The following PCBP3 variants were observed in gnomAD, a reference collection of about 807,000 sequenced individuals.
PCBP3 encodes poly(rC)-binding protein 3.
Under a neutral mutation model 52.7 loss-of-function variants are expected in PCBP3, and 25 were observed. The observed-to-expected ratio is 0.47, with a 90% CI of 0.35 to 0.66. PCBP3 has a LOEUF of 0.66. PCBP3 is among the 30% of genes least tolerant of loss of function. The pLI is 0.01. For missense variants in PCBP3, 391 were observed against 490.3 expected (o/e 0.80, Z 1.91); for synonymous variants, 162 against 183.0 (o/e 0.89, Z 0.93).
At chr21:45,883,962 G>A (rs1447902522) in intron 5 of PCBP3, among the ~76,000 whole-genome samples, 1 of 152,080 alleles carries the variant, frequency 6.6e-6, no homozygotes, top group African/African-American at 2.4e-5. Flanking sequence ...TTTTGAGATA[G>A]GGCCCTACTC....
intron 4 of PCBP3, among the ~76,000 whole-genome samples, chr21:45,783,649 G>A (rs1266375639): frequency 6.6e-6 from 1 of 152,242 alleles, no homozygotes; most frequent in Admixed American, 6.5e-5. Context: ...TAGCCATGGT[G>A]ATGGAGGAGG....
chr21:45,895,108 CT>C (rs1328396103), intron 5 of PCBP3, among the ~76,000 whole-genome samples: 1 of 152,232 alleles, frequency 6.6e-6, no homozygotes, highest in Non-Finnish European at 1.5e-5. Flanking sequence ...CGTCCACCCC[CT>C]GACACCTGTG....
rs2093151226 is a variant in PCBP3, at chr21:45,821,898, G to A, written c.-125-28063G>A. 6.6e-6 allele frequency among the ~76,000 whole-genome samples: 1 copy of A among 152,158 alleles called. No homozygotes were observed. The highest frequency in any genetic ancestry group is 1.5e-5 in the Non-Finnish European group (1 of 68,032). On this transcript the variant is annotated intron_variant, in intron 4 of 17. Coordinates refer to ENST00000681687, the MANE Select transcript of PCBP3 (RefSeq NM_001384156.1). The surrounding 1 kb of genome is among the most constrained non-coding windows in gnomAD (Gnocchi z 4.4). ...CGCCCAGGGGAGGCTCCTCCTTAGG[G>A]TGCATTGTCACTCGGCGTTTCCGAC...
intron 2 of PCBP3, among the ~76,000 whole-genome samples, chr21:45,722,382 A>G (rs1258406696): frequency 6.6e-6 from 1 of 152,198 alleles, no homozygotes; most frequent in East Asian, 1.9e-4. Context: ...GTTTTCACAC[A>G]TTTCTGAATT....
intron 6 of PCBP3, among the ~76,000 whole-genome samples, chr21:45,897,899 C>G (rs560303322): frequency 2.6e-5 from 4 of 152,210 alleles, no homozygotes; most frequent in Non-Finnish European, 5.9e-5. Context: ...CCCAGTTCTT[C>G]CTGCCTCAGG....
chr21:45,852,275 C>T (rs1166742474), intron 5 of PCBP3, among the ~76,000 whole-genome samples: 7 of 152,216 alleles, frequency 4.6e-5, no homozygotes, highest in African/African-American at 9.6e-5. Context: ...CTTCGAAGGT[C>T]GAGGCAAGGA....
intron 9 of PCBP3, among the ~76,000 whole-genome samples, chr21:45,907,334 T>C (rs2839051): frequency 0.33 from 50,402 of 152,096 alleles, 9,806 homozygotes; most frequent in East Asian, 0.73. Flanking sequence ...CCATCCCTAC[T>C]TCTGCGTTCG....
At chr21:45,789,721 G>C (rs8127369) in intron 4 of PCBP3, among the ~76,000 whole-genome samples, 29,231 of 152,152 alleles carry the variant, frequency 0.19, 3,027 homozygotes, top group Middle Eastern at 0.33. Flanking sequence ...AGCTTTTGCT[G>C]TGAGTGGGAG....
chr21:45,855,935 C>T (rs1483837602), intron 5 of PCBP3, among the ~76,000 whole-genome samples: 3 of 152,266 alleles, frequency 2.0e-5, no homozygotes, highest in African/African-American at 7.2e-5. Flanking sequence ...CGTAACATCT[C>T]ATGAGACAGG....
At chr21:45,842,899 G>A (rs12481867) in intron 4 of PCBP3, among the ~76,000 whole-genome samples, 24,692 of 152,118 alleles carry the variant, frequency 0.16, 2,190 homozygotes, top group Middle Eastern at 0.29. Flanking sequence ...GGTATTCTCA[G>A]ATGCTTTCTG....
chr21:45,723,176 G>A (rs1376016664), intron 2 of PCBP3, among the ~76,000 whole-genome samples: 1 of 152,214 alleles, frequency 6.6e-6, no homozygotes, highest in Non-Finnish European at 1.5e-5. Context: ...GCTGGCATGT[G>A]TTTGGCAACC....
Position 45,925,146 on chromosome 21 carries a change from G to T in PCBP3, c.718-4771G>T, listed in dbSNP as rs1368489778. On this transcript the variant is annotated intron_variant, in intron 13 of 17. Transcript: ENST00000681687. ...ACGTAAGATCGGGTGTGCGTGAGGA[G>T]ATGCGAACACCAGGAACAGTCGAGT... Among the ~76,000 whole-genome samples the T allele has an allele frequency of 2.9e-5, 4 of 138,048 alleles. 1 individual carries two copies. Among genetic ancestry groups the T allele is most frequent in the Admixed American group, 2.2e-4 (3 of 13,916 alleles). 90.6% of individuals were successfully genotyped at this position (138,048 alleles called of 152,430 possible).
chr21:45,899,089 A>G (rs1444476709), intron 6 of PCBP3, among the ~76,000 whole-genome samples: 1 of 152,224 alleles, frequency 6.6e-6, no homozygotes, highest in Non-Finnish European at 1.5e-5. Flanking sequence ...CCCAGCGGGG[A>G]ACGTGTGTCC....
intron 2 of PCBP3, among the ~76,000 whole-genome samples, chr21:45,726,762 C>T (rs1467143343): frequency 6.6e-6 from 1 of 152,222 alleles, no homozygotes; most frequent in Non-Finnish European, 1.5e-5. Flanking sequence ...GTCTGGAAAG[C>T]ATGCGTTCTG....
chr21:45,891,279 C>T (rs1238548403), intron 5 of PCBP3, among the ~76,000 whole-genome samples: 1 of 152,222 alleles, frequency 6.6e-6, no homozygotes, highest in East Asian at 1.9e-4. Context: ...GGAAGTGCTT[C>T]CATGAGAAGA....
chr21:45,872,500 T>C (rs987451641), intron 5 of PCBP3: 2 of 152,314 alleles, frequency 1.3e-5, no homozygotes, highest in African/African-American at 4.8e-5. Context: ...AAATTGTCTT[T>C]ACCTTCCCTG....
intron 5 of PCBP3, among the ~76,000 whole-genome samples, chr21:45,887,309 A>C (rs2095546486): frequency 6.6e-6 from 1 of 152,232 alleles, no homozygotes; most frequent in South Asian, 2.1e-4. Flanking sequence ...CATTTCCCAG[A>C]AGCAGCAGCC....
chr21:45,901,778 G>A lies in PCBP3; in HGVS notation c.339+665G>A, dbSNP rs867610346. Reference sequence around the variant, plus strand: ...AGACAGAGACAGAGAGAGAGCGAGGGGGAGAGAGCAGCACTTCTGTGTATT... The same window carrying A: ...AGACAGAGACAGAGAGAGAGCGAGGAGGAGAGAGCAGCACTTCTGTGTATT... On this transcript the variant is annotated intron_variant, in intron 9 of 17. Coordinates refer to ENST00000681687, the MANE Select transcript of PCBP3 (RefSeq NM_001384156.1). 3.4e-5 allele frequency among the ~76,000 whole-genome samples: 5 copies of A among 146,734 alleles called. No individual in the cohort carries two copies. In the South Asian group the frequency reaches 6.4e-4, roughly 19 times the overall value.
intron 4 of PCBP3, among the ~76,000 whole-genome samples, chr21:45,842,240 T>C (rs1303081948): frequency 2.0e-5 from 3 of 152,252 alleles, no homozygotes; most frequent in African/African-American, 7.2e-5. Flanking sequence ...CTTGTTGCTT[T>C]CCTGGAACTT....
Sources: allele counts gnomAD v4.1 joint callset (sites outside exome capture counted in the v4.1 genomes callset), GRCh38; gene constraint gnomAD v4.1.1; non-coding constraint Gnocchi (gnomAD v3.1); transcripts MANE v1.5; gene names NCBI Gene and HGNC (gene_info 2026-07-23, HGNC 2026-07-21).